KCNAB1: variants seen among roughly 807,000 people sequenced by gnomAD.
The protein encoded by KCNAB1 is voltage-gated potassium channel subunit beta-1.
Under a neutral mutation model 64.6 loss-of-function variants are expected in KCNAB1, and 35 were observed. The observed-to-expected ratio is 0.54, with a 90% CI of 0.41 to 0.72. KCNAB1 has a LOEUF of 0.72. KCNAB1 is among the 30% of genes least tolerant of loss of function. The pLI, the probability that KCNAB1 is intolerant of heterozygous loss-of-function variation, is 0.00. For missense variants in KCNAB1, 401 were observed against 512.9 expected (o/e 0.78, Z 2.11); for synonymous variants, 177 against 183.8 (o/e 0.96, Z 0.30).
In KCNAB1 at chr3:156,251,117, G is replaced by C. The variant is rs368054824; in HGVS notation, c.275+130231G>C. Reference sequence around the variant, plus strand: ...GAGTTACTGATGAATAACTTAGTATGTACCAAGTAAAAACCTGATGCTAGA... The same window carrying C: ...GAGTTACTGATGAATAACTTAGTATCTACCAAGTAAAAACCTGATGCTAGA... On this transcript the variant is annotated intron_variant, in intron 1 of 13. Transcript: ENST00000490337. Among the ~76,000 whole-genome samples, 5 of 152,290 alleles carry C rather than the reference G, an allele frequency of 3.3e-5. No homozygotes were observed. In the East Asian group the frequency reaches 9.6e-4, roughly 29 times the overall value.
At chr3:156,329,117 A>T (rs3755627) in intron 1 of KCNAB1, among the ~76,000 whole-genome samples, 31,057 of 152,016 alleles carry the variant, frequency 0.2, 3,254 homozygotes, top group Middle Eastern at 0.34. Context: ...TCAACTTGAG[A>T]TCTCTAATAT....
At chr3:156,261,175 A>C (rs1292419239) in intron 1 of KCNAB1, among the ~76,000 whole-genome samples, 1 of 152,062 alleles carries the variant, frequency 6.6e-6, no homozygotes, top group Non-Finnish European at 1.5e-5. Flanking sequence ...ATTTGAAACT[A>C]TGGCTTGTCT....
At chr3:156,381,604 T>C (rs2108148427) in intron 1 of KCNAB1, among the ~76,000 whole-genome samples, 1 of 152,346 alleles carries the variant, frequency 6.6e-6, no homozygotes, top group South Asian at 2.1e-4. Context: ...AACTTCTCAC[T>C]GAACTAAATC....
chr3:156,538,619 C>T (rs1393333414), downstream of KCNAB1: 4 of 152,208 alleles, frequency 2.6e-5, no homozygotes, highest in South Asian at 6.2e-4. Context: ...TAGATTTTAT[C>T]TGATCTTTCA....
chr3:156,214,064 T>C (rs1715169296), intron 1 of KCNAB1, among the ~76,000 whole-genome samples: 2 of 152,178 alleles, frequency 1.3e-5, no homozygotes, highest in South Asian at 4.1e-4. Flanking sequence ...CAGAAGGTAG[T>C]GTGCCCCAAC....
At chr3:156,430,524 G>A (rs906022008) in intron 2 of KCNAB1, among the ~76,000 whole-genome samples, 10 of 152,084 alleles carry the variant, frequency 6.6e-5, no homozygotes, top group African/African-American at 2.2e-4. Flanking sequence ...TTATAAAGAC[G>A]ATCTCACTAA....
At chr3:156,143,563 ATTCTTGTT>A in intron 1 of KCNAB1, 2 of 334,026 alleles carry the variant, frequency 6.0e-6, no homozygotes, top group Admixed American at 4.9e-5. Context: ...CTTGGGTTGC[ATTCTTGTT>A]TTTTTTTTTT....
chr3:156,130,970 G>A (rs1713961184), intron 1 of KCNAB1, among the ~76,000 whole-genome samples: 1 of 152,228 alleles, frequency 6.6e-6, no homozygotes, highest in Non-Finnish European at 1.5e-5. Context: ...AAGTGCAGAG[G>A]CCTGAGGAGG....
chr3:156,341,663 T>C (rs776405977), intron 1 of KCNAB1, among the ~76,000 whole-genome samples: 1 of 152,184 alleles, frequency 6.6e-6, no homozygotes, highest in African/African-American at 2.4e-5. Context: ...TTCTGCTACA[T>C]AGAAATATAA....
chr3:156,122,779 C>T lies in KCNAB1; in HGVS notation c.275+1893C>T, dbSNP rs189086822. On this transcript the variant is annotated intron_variant, in intron 1 of 13. Transcript: ENST00000490337. ...CAGCATGATTATTTCCAGGAAGAAA[C>T]GAGTATGTGTAGTTGGAACTAACTC... 1.4e-4 allele frequency among the ~76,000 whole-genome samples: 21 copies of T among 152,190 alleles called. 1 individual carries two copies. In the South Asian group the frequency reaches 2.7e-3, roughly 20 times the overall value.
intron 3 of KCNAB1, chr3:156,457,247 TC>T: frequency 1.5e-6 from 2 of 1,367,990 alleles, no homozygotes; most frequent in Non-Finnish European, 1.9e-6. Context: ...AAGTAACCCC[TC>T]AGTGCCCTAT....
At chr3:156,148,611 A>G (rs1715194467) in intron 1 of KCNAB1, among the ~76,000 whole-genome samples, 3 of 152,250 alleles carry the variant, frequency 2.0e-5, no homozygotes, top group African/African-American at 7.2e-5. Flanking sequence ...TAAGAAATCC[A>G]TAAAGTCACA....
intron 1 of KCNAB1, among the ~76,000 whole-genome samples, chr3:156,272,013 C>T (rs1719065833): frequency 6.6e-6 from 1 of 152,232 alleles, no homozygotes; most frequent in African/African-American, 2.4e-5. Flanking sequence ...TCTGAATTAG[C>T]AGGCAGATAC....
chr3:156,311,061 ACC>A, intron 1 of KCNAB1, among the ~76,000 whole-genome samples: 1 of 151,890 alleles, frequency 6.6e-6, no homozygotes, highest in East Asian at 1.9e-4. Context: ...GGAGCAGAAG[ACC>A]CCCCACCCTT....
At chr3:156,279,264 A>G (rs1483162940) in intron 1 of KCNAB1, among the ~76,000 whole-genome samples, 18 of 151,284 alleles carry the variant, frequency 1.2e-4, no homozygotes, top group East Asian at 3.9e-4. Flanking sequence ...ATGATTTCCA[A>G]TTTCATCCAT....
intron 6 of KCNAB1, 89 bp from the exon 7 acceptor site, chr3:156,465,554 G>C (rs974939234): frequency 2.6e-6 from 3 of 1,149,188 alleles, no homozygotes; most frequent in Non-Finnish European, 3.9e-6. Flanking sequence ...ATAAGAACAG[G>C]GTGCAAAATT....
rs542259769 is a variant in KCNAB1 at position 156,264,911 on chromosome 3, T to G, written c.275+144025T>G. ...ATTCACTTTAACCTCAGTGACCACT[T>G]AGCTTATTTGGTTCCCCAACTACTA... is the stretch of plus-strand genomic sequence containing the variant. On this transcript the variant is annotated intron_variant, in intron 1 of 13. Coordinates refer to ENST00000490337, the MANE Select transcript of KCNAB1 (RefSeq NM_172160.3). Among the ~76,000 whole-genome samples the G allele has an allele frequency of 2.6e-5, 4 of 152,356 alleles. No individual in the cohort carries two copies. The South Asian group carries it at 8.3e-4, about 32-fold the overall frequency.
chr3:156,250,225 G>A (rs1289000366), intron 1 of KCNAB1, among the ~76,000 whole-genome samples: 4 of 152,148 alleles, frequency 2.6e-5, no homozygotes, highest in Admixed American at 2.6e-4. Flanking sequence ...TGCACCAAGG[G>A]AGTTGTTGGC....
intron 1 of KCNAB1, among the ~76,000 whole-genome samples, chr3:156,401,526 G>A (rs1375097965): frequency 6.6e-6 from 1 of 152,152 alleles, no homozygotes; most frequent in Non-Finnish European, 1.5e-5. Flanking sequence ...GGCTGTTCTG[G>A]CCCCTCGATG....
Sources: gnomAD v4.1 joint callset for allele counts (sites outside exome capture counted in the v4.1 genomes callset) on GRCh38, gnomAD v4.1.1 for gene constraint, MANE v1.5 for transcripts, NCBI Gene and HGNC (gene_info 2026-07-23, HGNC 2026-07-21) for gene names.